Variants in WDR27 observed in about 807,000 individuals in gnomAD.
The protein encoded by WDR27 is WD repeat domain 27.
A neutral mutation model predicts 114.4 loss-of-function variants in WDR27; 100 were observed. The observed-to-expected ratio is 0.87, with a 90% CI of 0.74 to 1.03. WDR27 has a LOEUF of 1.03. Among genes scored for constraint, WDR27 ranks in the 50% least tolerant of loss-of-function variants. The pLI is 0.00. For synonymous variants in WDR27, 449 were observed against 423.1 expected (o/e 1.06, Z -0.75); for missense variants, 1,129 against 1,092.9 (o/e 1.03, Z -0.47).
chr6:169,551,569 T>C (rs2128103528), intron 25 of WDR27, among the ~76,000 whole-genome samples: 1 of 151,982 alleles, frequency 6.6e-6, no homozygotes, highest in South Asian at 2.1e-4. Flanking sequence ...ACCCTGTCTC[T>C]ACTAAAAATA....
chr6:169,504,669 C>G (rs537888244), intron 25 of WDR27, among the ~76,000 whole-genome samples: 199 of 152,182 alleles, frequency 1.3e-3, no homozygotes, highest in Non-Finnish European at 2.3e-3. Context: ...AGTGCAGTGG[C>G]GTGAGCTTGG....
At chr6:169,466,254 T>C (rs1172418649) in intron 25 of WDR27, among the ~76,000 whole-genome samples, 1 of 152,128 alleles carries the variant, frequency 6.6e-6, no homozygotes, top group African/African-American at 2.4e-5. Context: ...GCCAGCTCTC[T>C]TATATGCCGT....
intron 23 of WDR27, among the ~76,000 whole-genome samples, chr6:169,591,001 C>G (rs1805649802): frequency 6.6e-6 from 1 of 152,174 alleles, no homozygotes; most frequent in Non-Finnish European, 1.5e-5. Flanking sequence ...GACAAATACC[C>G]AGGAGTGAGA....
intron 24 of WDR27, among the ~76,000 whole-genome samples, chr6:169,575,543 G>A (rs1229993914): frequency 6.6e-6 from 1 of 152,140 alleles, no homozygotes; most frequent in Non-Finnish European, 1.5e-5. Context: ...GCTGTTGAAG[G>A]CAGGCAGCCT....
chr6:169,641,228 C>T (rs1819067179), intron 17 of WDR27, among the ~76,000 whole-genome samples: 1 of 152,216 alleles, frequency 6.6e-6, no homozygotes, highest in African/African-American at 2.4e-5. Flanking sequence ...GTGGGATCCC[C>T]CTCCTCTCCC....
At chr6:169,599,939 C>T (rs1347913075) in intron 23 of WDR27, among the ~76,000 whole-genome samples, 2 of 151,976 alleles carry the variant, frequency 1.3e-5, no homozygotes, top group Admixed American at 1.3e-4. Context: ...TTGAATGTGT[C>T]CCAGAGATTC....
intron 21 of WDR27, among the ~76,000 whole-genome samples, chr6:169,615,701 C>T (rs1454329044): frequency 3.3e-5 from 5 of 152,214 alleles, no homozygotes; most frequent in South Asian, 4.1e-4. Flanking sequence ...TAGGCAATAC[C>T]GTCCTAGACA....
intron 3 of WDR27, 187 bp downstream of exon 3, chr6:169,672,068 G>A (rs1778879237): frequency 1.9e-6 from 1 of 528,678 alleles, no homozygotes; most frequent in Non-Finnish European, 3.3e-6. Flanking sequence ...ATGGCCTGGG[G>A]CCCTTCCCAT....
chr6:169,578,761 G>A (rs113254208), intron 24 of WDR27, among the ~76,000 whole-genome samples: 74 of 152,250 alleles, frequency 4.9e-4, no homozygotes, highest in African/African-American at 1.8e-3. Context: ...CAGTAGCTTT[G>A]GTTATTATTT....
the WDR27 span, among the ~76,000 whole-genome samples, chr6:169,427,870 A>C: frequency 6.6e-6 from 1 of 151,570 alleles, no homozygotes; most frequent in South Asian, 2.1e-4. Flanking sequence ...CAAACTCCAC[A>C]GCTTTTGATA....
At chr6:169,582,221 C>T (rs533169353) in intron 24 of WDR27, among the ~76,000 whole-genome samples, 5 of 152,246 alleles carry the variant, frequency 3.3e-5, no homozygotes, top group African/African-American at 7.2e-5. Flanking sequence ...GTGATTCACC[C>T]GCCTCGGCCT....
intron 25 of WDR27, among the ~76,000 whole-genome samples, chr6:169,481,771 A>C (rs1006962374): frequency 2.0e-5 from 3 of 147,616 alleles, no homozygotes; most frequent in Non-Finnish European, 4.5e-5. Flanking sequence ...TCCTTAAAGA[A>C]CTGTAACACT....
intron 22 of WDR27, among the ~76,000 whole-genome samples, chr6:169,612,962 A>G (rs184949584): frequency 1.3e-5 from 2 of 152,354 alleles, no homozygotes; most frequent in African/African-American, 4.8e-5. Context: ...GTAAACAACA[A>G]TTATTGTTAT....
At chr6:169,525,144 A>C (rs1349948742) in intron 25 of WDR27, among the ~76,000 whole-genome samples, 1 of 152,210 alleles carries the variant, frequency 6.6e-6, no homozygotes, top group Non-Finnish European at 1.5e-5. Flanking sequence ...AAGAAGACAT[A>C]CAAGTAGCTA....
chr6:169,656,912 G>T (rs772046793), intron 13 of WDR27, among the ~76,000 whole-genome samples: 1 of 152,212 alleles, frequency 6.6e-6, no homozygotes. Flanking sequence ...ACTCCCAGCC[G>T]AGGAGTCAGC....
intron 17 of WDR27, among the ~76,000 whole-genome samples, chr6:169,642,760 AGGC>A (rs1211021675): frequency 6.6e-6 from 1 of 152,194 alleles, no homozygotes; most frequent in Non-Finnish European, 1.5e-5. Context: ...GGCCTTGCCT[AGGC>A]CTGCTTCCCA....
intron 25 of WDR27, among the ~76,000 whole-genome samples, chr6:169,524,739 T>C (rs1794761396): frequency 6.6e-6 from 1 of 152,172 alleles, no homozygotes; most frequent in East Asian, 1.9e-4. Context: ...TGCAGAAGAA[T>C]GAAACTGAAC....
At chr6:169,467,123 G>A (rs1006357575) in intron 25 of WDR27, among the ~76,000 whole-genome samples, 2 of 152,198 alleles carry the variant, frequency 1.3e-5, no homozygotes, top group Non-Finnish European at 2.9e-5. Flanking sequence ...TCCCAGTCAT[G>A]CTCATTAGAG....
chr6:169,602,484 A>C (rs1808213090), intron 22 of WDR27, among the ~76,000 whole-genome samples, 163 bp from the exon 23 acceptor site: 1 of 152,264 alleles, frequency 6.6e-6, no homozygotes. Flanking sequence ...GGGTCTCTCT[A>C]GAGATATTTA....
Sources: gnomAD v4.1 joint callset for allele counts (sites outside exome capture counted in the v4.1 genomes callset) on GRCh38, gnomAD v4.1.1 for gene constraint, MANE v1.5 for transcripts, NCBI Gene and HGNC (gene_info 2026-07-23, HGNC 2026-07-21) for gene names.